The following CDH13 variants were observed in gnomAD, a reference collection of about 807,000 sequenced individuals.
CDH13 encodes cadherin-13.
Under a neutral mutation model 63.8 loss-of-function variants are expected in CDH13, and 24 were observed. That is an observed-to-expected ratio of 0.38 (90% CI 0.27 to 0.53). The LOEUF (loss-of-function observed/expected upper bound fraction) is 0.53. CDH13 is among the 20% of genes least tolerant of loss of function. CDH13 has a pLI of 0.85. For missense variants in CDH13, 1,049 were observed against 903.1 expected (o/e 1.16, Z -2.07); for synonymous variants, 503 against 355.3 (o/e 1.42, Z -4.67).
At chr16:82,967,830 A>C (rs1908088132) in intron 2 of CDH13, among the ~76,000 whole-genome samples, 1 of 152,218 alleles carries the variant, frequency 6.6e-6, no homozygotes, top group Non-Finnish European at 1.5e-5. Context: ...GGTGTCTGCC[A>C]GGTTTCTCCT....
At chr16:83,197,621 G>A (rs557886964) in intron 4 of CDH13, among the ~76,000 whole-genome samples, 1 of 152,288 alleles carries the variant, frequency 6.6e-6, no homozygotes, top group South Asian at 2.1e-4. Flanking sequence ...TGAGGGAAGA[G>A]GCAGTCTCTG....
chr16:82,946,499 C>G (rs892831202), intron 2 of CDH13, among the ~76,000 whole-genome samples: 51 of 152,140 alleles, frequency 3.4e-4, no homozygotes, highest in African/African-American at 1.2e-3. Flanking sequence ...GCAGGCAGAT[C>G]ACTTGAGGCC....
chr16:83,032,539 G>A (rs1342131716), intron 3 of CDH13, among the ~76,000 whole-genome samples: 1 of 152,108 alleles, frequency 6.6e-6, no homozygotes. Flanking sequence ...TTTATTAGAT[G>A]TATTGAGACA....
chr16:82,833,328 G>A (rs1052953854), intron 1 of CDH13, among the ~76,000 whole-genome samples: 4 of 152,138 alleles, frequency 2.6e-5, no homozygotes, highest in Non-Finnish European at 4.4e-5. Context: ...TGACATTTTC[G>A]TGGAGGTATC....
At chr16:83,582,901 C>G (rs1019800598) in intron 7 of CDH13, among the ~76,000 whole-genome samples, 2 of 152,204 alleles carry the variant, frequency 1.3e-5, no homozygotes, top group African/African-American at 4.8e-5. Flanking sequence ...GGAGTTTGCA[C>G]TTAACCATGT....
At chr16:82,642,500 C>T (rs1000694925) in intron 1 of CDH13, among the ~76,000 whole-genome samples, 2 of 152,156 alleles carry the variant, frequency 1.3e-5, no homozygotes, top group Admixed American at 1.3e-4. Flanking sequence ...TTCTCTCTCT[C>T]TTTGGTGGGA....
chr16:83,564,978 T>G (rs1457690254), intron 7 of CDH13, among the ~76,000 whole-genome samples: 1 of 152,164 alleles, frequency 6.6e-6, no homozygotes, highest in African/African-American at 2.4e-5. Flanking sequence ...GCAGTGTCAT[T>G]CATACAAATG....
At chr16:82,723,866 C>T (rs2032933445) in intron 1 of CDH13, among the ~76,000 whole-genome samples, 1 of 152,102 alleles carries the variant, frequency 6.6e-6, no homozygotes, top group Non-Finnish European at 1.5e-5. Flanking sequence ...GCTGCTCTGG[C>T]CTTGATGGAG....
chr16:83,477,742 C>G (rs559592904), intron 6 of CDH13, among the ~76,000 whole-genome samples: 4 of 152,272 alleles, frequency 2.6e-5, no homozygotes, highest in Non-Finnish European at 4.4e-5. Context: ...AATGGCTCTA[C>G]CAACAGACAA....
At chr16:83,684,513 C>G (rs778820374) in intron 10 of CDH13, among the ~76,000 whole-genome samples, 1 of 152,322 alleles carries the variant, frequency 6.6e-6, no homozygotes, top group Non-Finnish European at 1.5e-5. Flanking sequence ...GGGAGGCAGC[C>G]GGCAGCTAAA....
chr16:83,543,657 C>T (rs1246176055), intron 7 of CDH13, among the ~76,000 whole-genome samples: 3 of 152,174 alleles, frequency 2.0e-5, no homozygotes, highest in Admixed American at 1.3e-4. Flanking sequence ...AGGGGACAGA[C>T]ATTAGAGACA....
chr16:83,537,196 A>G (rs972106474), intron 7 of CDH13, among the ~76,000 whole-genome samples: 3 of 152,354 alleles, frequency 2.0e-5, no homozygotes, highest in African/African-American at 4.8e-5. Flanking sequence ...AGGATGCTCT[A>G]TCTACAAAGA....
At chr16:83,682,857 C>A (rs1241951912) in intron 10 of CDH13, among the ~76,000 whole-genome samples, 1 of 152,166 alleles carries the variant, frequency 6.6e-6, no homozygotes, top group East Asian at 1.9e-4. Flanking sequence ...CAGGGCCTGC[C>A]CATCCTAATG....
intron 5 of CDH13, among the ~76,000 whole-genome samples, chr16:83,337,273 G>T (rs951076027): frequency 6.6e-6 from 1 of 152,172 alleles, no homozygotes; most frequent in Admixed American, 6.5e-5. Flanking sequence ...GAACCCAGGT[G>T]CTGGGATGCC....
At chr16:83,443,705 GAAA>G (rs1167862979) in intron 6 of CDH13, among the ~76,000 whole-genome samples, 9 of 107,072 alleles carry the variant, frequency 8.4e-5, no homozygotes, top group African/African-American at 3.8e-4. Flanking sequence ...AAGTCCCTAC[GAAA>G]AAAAAAAAAA....
intron 2 of CDH13, among the ~76,000 whole-genome samples, chr16:82,907,818 T>G (rs887180248): frequency 1.2e-4 from 19 of 152,332 alleles, no homozygotes; most frequent in African/African-American, 4.3e-4. Flanking sequence ...TCTGTTCCCA[T>G]TCTATTTCTC....
intron 1 of CDH13, among the ~76,000 whole-genome samples, chr16:82,761,017 C>CTTTTTTGTTTTTTTTTT (rs2034821033): frequency 2.5e-5 from 1 of 40,452 alleles, no homozygotes; most frequent in Non-Finnish European, 4.6e-5. Flanking sequence ...TTCTTTCTTT[C>CTTTTTTGTTTTTTTTTT]TTTTTTTTTT....
intron 5 of CDH13, among the ~76,000 whole-genome samples, chr16:83,263,013 C>T (rs907820072): frequency 1.3e-5 from 2 of 152,060 alleles, no homozygotes; most frequent in South Asian, 2.1e-4. Context: ...CTTTGAAACT[C>T]GATATTCTTA....
At chr16:83,454,899 G>A (rs2072980812) in intron 6 of CDH13, among the ~76,000 whole-genome samples, 1 of 151,990 alleles carries the variant, frequency 6.6e-6, no homozygotes, top group Non-Finnish European at 1.5e-5. Context: ...AGTAGAGAAT[G>A]GGGTTTCACC....
Sources: gnomAD v4.1 joint callset for allele counts (sites outside exome capture counted in the v4.1 genomes callset) on GRCh38, gnomAD v4.1.1 for gene constraint, MANE v1.5 for transcripts, NCBI Gene and HGNC (gene_info 2026-07-23, HGNC 2026-07-21) for gene names.